Variants in GRIN2D observed in about 807,000 individuals in gnomAD.
GRIN2D encodes the protein glutamate ionotropic receptor NMDA type subunit 2D, also known as glutamate receptor ionotropic, NMDA 2D.
A neutral mutation model predicts 103.2 loss-of-function variants in GRIN2D; 37 were observed. That is an observed-to-expected ratio of 0.36 (90% confidence interval 0.28 to 0.47). The LOEUF (loss-of-function observed/expected upper bound fraction) is 0.47, where lower values mean the gene tolerates loss of function less well. Ranked by LOEUF, GRIN2D falls within the 20% of genes least tolerant of loss-of-function variation. The pLI is 1.00. For missense variants in GRIN2D, 1,557 were observed against 1,910.6 expected (o/e 0.81, Z 3.45); for synonymous variants, 845 against 885.6 (o/e 0.95, Z 0.81).
At chr19:48,429,634 G>A (rs1469708362) in intron 11 of GRIN2D, among the ~76,000 whole-genome samples, 1 of 151,952 alleles carries the variant, frequency 6.6e-6, no homozygotes, top group East Asian at 1.9e-4. Context: ...TCCTGACCTA[G>A]GTAATCTGCC....
chr19:48,395,815 C>T (rs1297948002), intron 2 of GRIN2D, among the ~76,000 whole-genome samples: 1 of 152,098 alleles, frequency 6.6e-6, no homozygotes, highest in Non-Finnish European at 1.5e-5. Context: ...GGAGCCGGAA[C>T]CCGGACTCCT....
chr19:48,400,671 ATCT>A (rs1970700749), intron 3 of GRIN2D, among the ~76,000 whole-genome samples: 1 of 152,104 alleles, frequency 6.6e-6, no homozygotes, highest in African/African-American at 2.4e-5. Flanking sequence ...AGAAAGAATG[ATCT>A]TCACAGCTCC....
chr19:48,398,360 C>A lies in GRIN2D; in HGVS notation c.-26-7C>A, dbSNP rs1600967230. Reference sequence around the variant, plus strand: ...TCCTCCCCGTCTCTCCCGGCCCGGGCGCTCAGAGGCCGCCCGGCGGGGCCC... The same window carrying A: ...TCCTCCCCGTCTCTCCCGGCCCGGGAGCTCAGAGGCCGCCCGGCGGGGCCC... On this transcript the variant is annotated splice_polypyrimidine_tract_variant and splice_region_variant and intron_variant, in intron 2 of 13. Transcript: ENST00000263269. 3.7e-6 allele frequency: 4 copies of A among 1,094,478 alleles called. No homozygotes were observed. The highest frequency in any genetic ancestry group is 4.5e-6 in the Non-Finnish European group (4 of 897,320). The allele number at this position is 1,094,478 out of a possible 1,614,324, so 67.8% of individuals were successfully genotyped here. A position where few individuals can be genotyped will look rare whatever the true frequency, so the allele number is the denominator to read the frequency against.
intron 2 of GRIN2D, among the ~76,000 whole-genome samples, chr19:48,397,685 ACTCCGTCCTCTCTCT>A (rs910156626): frequency 1.5e-5 from 2 of 135,632 alleles, no homozygotes; most frequent in African/African-American, 5.6e-5. Context: ...TGTTTCTGTC[ACTCCGTCCTCTCTCT>A]CTCCGTCTTC....
intron 11 of GRIN2D, among the ~76,000 whole-genome samples, chr19:48,440,392 A>C (rs895849153): frequency 6.6e-6 from 1 of 152,136 alleles, no homozygotes; most frequent in Non-Finnish European, 1.5e-5. Context: ...CAGGAGTTAG[A>C]GCCCAGCCTG....
intron 4 of GRIN2D, among the ~76,000 whole-genome samples, chr19:48,407,682 A>G (rs1421096299): frequency 1.3e-5 from 2 of 152,188 alleles, no homozygotes; most frequent in Admixed American, 6.5e-5. Flanking sequence ...CAGGGTGTAT[A>G]TAGTGTTAAA....
At chr19:48,426,274 G>A (rs146815189) in intron 11 of GRIN2D, among the ~76,000 whole-genome samples, 119 of 134,036 alleles carry the variant, frequency 8.9e-4, no homozygotes, top group African/African-American at 3.2e-3. Context: ...TGCCCAGGCT[G>A]GAGTGCAGTT....
At chr19:48,419,195 G>A (rs372832797) in intron 8 of GRIN2D, 39 bp from the exon 9 acceptor site, 37 of 1,580,864 alleles carry the variant, frequency 2.3e-5, no homozygotes, top group Non-Finnish European at 3.2e-5. Flanking sequence ...CGAGTCTTTT[G>A]CTTGGCTGAG....
chr19:48,405,165 C>A lies in GRIN2D; in HGVS notation c.897C>A (p.Pro299=), dbSNP rs756276428. The A allele has an allele frequency of 4.4e-6, 7 of 1,585,514 alleles. No homozygotes were observed. The highest frequency in any genetic ancestry group is 1.1e-5 in the South Asian group (1 of 88,180). Residue 299 remains proline (P), a synonymous_variant, in exon 4 of 14, where the codon CCC becomes CCA. Coordinates refer to ENST00000263269, the MANE Select transcript of GRIN2D (RefSeq NM_000836.4). This position sits in a 1 kb window ranked among gnomAD's most constrained non-coding sequence, Gnocchi z 5.1. ...CCCCTCTTCTGCCAGGAGGCGCCCC[C>A]CTGCCTGCCGGGCTGTTTGCAGTGC... ...GEPPLLPGGA[P]LPAGLFAVRS...
At chr19:48,406,357 A>T (rs11879372) in intron 4 of GRIN2D, among the ~76,000 whole-genome samples, 2,898 of 152,320 alleles carry the variant, frequency 0.019, 94 homozygotes, top group African/African-American at 0.066. Context: ...AGAGGCGAAC[A>T]GAGTTTGTTG....
In GRIN2D at chr19:48,414,249, G is replaced by T; in HGVS notation, c.1201-124G>T. On this transcript the variant is annotated intron_variant, in intron 5 of 13. Transcript: ENST00000263269. This position sits in a 1 kb window ranked among gnomAD's most constrained non-coding sequence, Gnocchi z 4.6. ...GGGTCCTGGGATCTGAAGGTGGGAG[G>T]GGCTCCTGGGTCTTGGAAGAAGCTG... is the stretch of plus-strand genomic sequence containing the variant. The T allele has an allele frequency of 7.6e-6, 7 of 925,734 alleles. No individual in the cohort carries two copies. Among genetic ancestry groups the T allele is most frequent in the Non-Finnish European group, 1.2e-5 (7 of 596,454 alleles). The allele number at this position is 925,734 out of a possible 1,614,324, so 57.3% of individuals were successfully genotyped here.
chr19:48,398,926 AC>A (rs1340687708), intron 3 of GRIN2D, 69 bp downstream of exon 3: 2 of 1,150,068 alleles, frequency 1.7e-6, no homozygotes, highest in Non-Finnish European at 1.1e-6. Context: ...CGGGACTGGG[AC>A]AGCCAGCGGG....
At chr19:48,434,628 C>T (rs1971206255) in intron 11 of GRIN2D, among the ~76,000 whole-genome samples, 1 of 151,464 alleles carries the variant, frequency 6.6e-6, no homozygotes, top group South Asian at 2.1e-4. Flanking sequence ...TACAGATGGT[C>T]TCACTATGTT....
chr19:48,412,330 A>AAAAT lies in GRIN2D; in HGVS notation c.1086-1647_1086-1644dup, dbSNP rs1269403442. On this transcript the variant is annotated intron_variant, in intron 4 of 13. Coordinates refer to ENST00000263269, the MANE Select transcript of GRIN2D (RefSeq NM_000836.4). ...GGCGACAGAGCGAGACTCTGTCTCAAAAATAAATAAATAAATACATACATA... is the reference window on the plus strand; with the variant it reads ...GGCGACAGAGCGAGACTCTGTCTCAAAAATAAATAAATAAATAAATACATACATA... 1.7e-4 allele frequency among the ~76,000 whole-genome samples: 26 copies of AAAAT among 151,276 alleles called. No individual in the cohort carries two copies. In the South Asian group the frequency reaches 2.9e-3, roughly 17 times the overall value.
In GRIN2D at chr19:48,421,445, C is replaced by G. The variant is rs1569066472; in HGVS notation, c.2092-340C>G. Among the ~76,000 whole-genome samples, 4 of 150,766 alleles carry G rather than the reference C, an allele frequency of 2.7e-5. No homozygotes were observed. Among genetic ancestry groups the G allele is most frequent in the Non-Finnish European group, 5.9e-5 (4 of 67,810 alleles). The stretch of plus-strand genomic sequence containing the variant: ...CTCCGTTTAAAAAAAAAAAAGTGAA[C>G]TATTTCTGAACGGATTGGTAAATAG... On this transcript the variant is annotated intron_variant, in intron 10 of 13. Transcript: ENST00000263269. The surrounding 1 kb of genome is among the most constrained non-coding windows in gnomAD (Gnocchi z 4.8).
At chr19:48,422,293 G>A (rs1482225102) in intron 11 of GRIN2D, among the ~76,000 whole-genome samples, 1 of 152,090 alleles carries the variant, frequency 6.6e-6, no homozygotes, top group African/African-American at 2.4e-5. Context: ...TATCCCCACT[G>A]TAATGATCAT....
At chr19:48,432,198 C>G (rs1223619124) in intron 11 of GRIN2D, among the ~76,000 whole-genome samples, 1 of 151,752 alleles carries the variant, frequency 6.6e-6, no homozygotes, top group Admixed American at 6.6e-5. Flanking sequence ...GCGTGAGCCA[C>G]CGCACCCGGC....
At chr19:48,429,997 A>C (rs544581572) in intron 11 of GRIN2D, among the ~76,000 whole-genome samples, 15 of 151,956 alleles carry the variant, frequency 9.9e-5, no homozygotes, top group African/African-American at 3.6e-4. Flanking sequence ...CTACCTCTTG[A>C]TTTTTCAATT....
intron 4 of GRIN2D, among the ~76,000 whole-genome samples, chr19:48,408,046 G>A (rs925831038): frequency 3.9e-5 from 6 of 151,938 alleles, no homozygotes; most frequent in Non-Finnish European, 8.8e-5. Context: ...AAGATTAGCT[G>A]GGCGTTGGCC....
Sources: gnomAD v4.1 joint callset for allele counts (sites outside exome capture counted in the v4.1 genomes callset) on GRCh38, gnomAD v4.1.1 for gene constraint, Gnocchi (gnomAD v3.1) non-coding constraint, MANE v1.5 for transcripts, NCBI Gene and HGNC (gene_info 2026-07-23, HGNC 2026-07-21) for gene names.